The following ZBTB7C variants were observed in gnomAD, a reference collection of about 807,000 sequenced individuals.
ZBTB7C encodes zinc finger and BTB domain containing 7C, also known as zinc finger and BTB domain-containing protein 7C.
In ZBTB7C, 8 loss-of-function variants were observed where a neutral mutation model predicts 25.7. The observed-to-expected ratio is 0.31, with a 90% CI of 0.18 to 0.56. The LOEUF (loss-of-function observed/expected upper bound fraction) is 0.56, where lower values mean the gene tolerates loss of function less well. Among genes scored for constraint, ZBTB7C ranks in the 20% least tolerant of loss-of-function variants. ZBTB7C has a pLI of 0.91. For missense variants in ZBTB7C, 824 were observed against 855.2 expected, an observed-to-expected ratio of 0.96 and a Z score of 0.46; for synonymous variants, 394 against 369.0, an observed-to-expected ratio of 1.07 and a Z score of -0.78.
At chr18:48,166,658 A>G (rs1240984392) in intron 3 of ZBTB7C, among the ~76,000 whole-genome samples, 3 of 152,326 alleles carry the variant, frequency 2.0e-5, no homozygotes, top group Middle Eastern at 6.8e-3. Flanking sequence ...AGGGGGCAAG[A>G]AAAAGGAGTT....
intron 3 of ZBTB7C, among the ~76,000 whole-genome samples, chr18:48,069,371 C>T (rs999712504): frequency 1.5e-4 from 23 of 152,230 alleles, no homozygotes; most frequent in African/African-American, 4.8e-4. Context: ...CTTCCCTCTG[C>T]GGTCTCTCAT....
At chr18:48,033,637 C>T (rs998802307) in intron 4 of ZBTB7C, among the ~76,000 whole-genome samples, 6 of 152,188 alleles carry the variant, frequency 3.9e-5, no homozygotes. Flanking sequence ...CATACTTTAC[C>T]ACATTCTGAT....
intron 2 of ZBTB7C, among the ~76,000 whole-genome samples, chr18:48,227,879 A>C (rs1397953293): frequency 6.6e-6 from 1 of 152,192 alleles, no homozygotes; most frequent in Non-Finnish European, 1.5e-5. Flanking sequence ...GTGAGAGGGC[A>C]GGAGTTTGGG....
chr18:48,349,402 C>T (rs2046812884), intron 1 of ZBTB7C, among the ~76,000 whole-genome samples: 1 of 152,130 alleles, frequency 6.6e-6, no homozygotes, highest in Non-Finnish European at 1.5e-5. Flanking sequence ...CAGATGCAAA[C>T]TATAGAGGCT....
At chr18:48,227,019 CAAAAAAAAAAA>C in intron 2 of ZBTB7C, among the ~76,000 whole-genome samples, 1 of 56,156 alleles carries the variant, frequency 1.8e-5, no homozygotes, top group African/African-American at 5.9e-5. Flanking sequence ...GACTCCATCT[CAAAAAAAAAAA>C]AAAAAAAAGA....
intron 3 of ZBTB7C, among the ~76,000 whole-genome samples, chr18:48,123,964 G>A (rs1265027561): frequency 6.6e-6 from 1 of 152,148 alleles, no homozygotes; most frequent in Non-Finnish European, 1.5e-5. Flanking sequence ...ATGTAGCCTG[G>A]GGACAGTGAG....
intron 3 of ZBTB7C, among the ~76,000 whole-genome samples, chr18:48,055,518 G>A (rs1259921038): frequency 2.0e-5 from 3 of 152,008 alleles, no homozygotes; most frequent in Non-Finnish European, 4.4e-5. Context: ...CGGCTGTCTG[G>A]GGAGGGAGGG....
chr18:48,404,416 T>G (rs991959415), intron 1 of ZBTB7C, among the ~76,000 whole-genome samples: 1 of 151,592 alleles, frequency 6.6e-6, no homozygotes, highest in Non-Finnish European at 1.5e-5. Context: ...GCACAGGGAG[T>G]GAAGGGGAGG....
intron 4 of ZBTB7C, among the ~76,000 whole-genome samples, chr18:48,035,692 A>G (rs1238705988): frequency 1.3e-5 from 2 of 152,244 alleles, no homozygotes; most frequent in Admixed American, 6.5e-5. Context: ...GTCCCTGTGC[A>G]TGAAGACAAA....
intron 2 of ZBTB7C, among the ~76,000 whole-genome samples, chr18:48,232,518 T>C (rs1229688764): frequency 6.6e-6 from 1 of 151,964 alleles, no homozygotes; most frequent in Admixed American, 6.6e-5. Flanking sequence ...AGTACCACCA[T>C]ATGACCTCAG....
chr18:48,093,502 G>A (rs1230943080), intron 3 of ZBTB7C, among the ~76,000 whole-genome samples: 1 of 152,160 alleles, frequency 6.6e-6, no homozygotes, highest in Non-Finnish European at 1.5e-5. Context: ...AAGAAAAAGT[G>A]AATATTTGAG....
chr18:48,197,039 C>T (rs138039028), intron 2 of ZBTB7C, among the ~76,000 whole-genome samples: 17 of 152,290 alleles, frequency 1.1e-4, no homozygotes, highest in African/African-American at 2.9e-4. Context: ...GCCACGGTGA[C>T]GAGACCAAAT....
chr18:48,171,630 G>T (rs2041484659), intron 3 of ZBTB7C, among the ~76,000 whole-genome samples: 1 of 152,274 alleles, frequency 6.6e-6, no homozygotes. Context: ...TCTCAGCAGA[G>T]GCTTCCGGAA....
intron 2 of ZBTB7C, among the ~76,000 whole-genome samples, chr18:48,327,220 C>A (rs762151817): frequency 6.6e-6 from 1 of 152,120 alleles, no homozygotes; most frequent in African/African-American, 2.4e-5. Flanking sequence ...CAGTTCCACT[C>A]GAGGCCTGCC....
intron 2 of ZBTB7C, among the ~76,000 whole-genome samples, chr18:48,243,274 A>C (rs1259738044): frequency 7.3e-5 from 11 of 150,290 alleles, no homozygotes; most frequent in African/African-American, 2.4e-4. Flanking sequence ...CCCCCACAAA[A>C]AAAAAAAAAA....
At chr18:48,033,538 G>T (rs936141982) in intron 4 of ZBTB7C, among the ~76,000 whole-genome samples, 5 of 152,200 alleles carry the variant, frequency 3.3e-5, no homozygotes, top group Non-Finnish European at 5.9e-5. Context: ...GACATTTGTG[G>T]GAATGGGGGC....
chr18:48,180,232 CTCCT>C (rs146826971), intron 3 of ZBTB7C: 8,690 of 347,768 alleles, frequency 0.025, 351 homozygotes, highest in South Asian at 0.094. Flanking sequence ...CTTTCCTTCC[CTCCT>C]TCCTTCCTTC....
intron 1 of ZBTB7C, among the ~76,000 whole-genome samples, chr18:48,381,640 G>A (rs1370186273): frequency 1.3e-5 from 2 of 152,154 alleles, no homozygotes; most frequent in African/African-American, 4.8e-5. Context: ...GGGAGGTAAT[G>A]GGCCAGTTAG....
chr18:48,233,478 C>G (rs1014807278), intron 2 of ZBTB7C, among the ~76,000 whole-genome samples: 4 of 152,230 alleles, frequency 2.6e-5, no homozygotes. Context: ...AAAGAGCATA[C>G]ATAACAGTGG....
Sources: gnomAD v4.1 joint callset for allele counts (sites outside exome capture counted in the v4.1 genomes callset) on GRCh38, gnomAD v4.1.1 for gene constraint, MANE v1.5 for transcripts, NCBI Gene and HGNC (gene_info 2026-07-23, HGNC 2026-07-21) for gene names.